The following TARS1 variants were observed in gnomAD, a reference collection of about 807,000 sequenced individuals.
TARS1 encodes the protein threonine--tRNA ligase 1, cytoplasmic.
Under a neutral mutation model 97.7 loss-of-function variants are expected in TARS1, and 57 were observed. The ratio of observed to expected loss-of-function variants is 0.58; its 90% confidence interval spans 0.47 to 0.73. TARS1 has a LOEUF of 0.73. Among genes scored for constraint, TARS1 ranks in the 30% least tolerant of loss-of-function variants. TARS1 has a pLI of 0.00. For synonymous variants in TARS1, 312 were observed against 293.7 expected, an observed-to-expected ratio of 1.06 and a Z score of -0.64; for missense variants, 806 against 888.3, an observed-to-expected ratio of 0.91 and a Z score of 1.18.
At chr5:33,442,247 T>C (rs1336718523) in intron 1 of TARS1, among the ~76,000 whole-genome samples, 9 of 152,096 alleles carry the variant, frequency 5.9e-5, no homozygotes, top group Non-Finnish European at 1.3e-4. Context: ...CTATGTAAAT[T>C]TAATTCTAGA....
rs1396658551 is a variant in TARS1, at chr5:33,459,705, G to C, written c.1094G>C (p.Arg365Thr). 8.7e-6 allele frequency: 14 copies of C among 1,613,948 alleles called. No homozygotes were observed. Among genetic ancestry groups the C allele is most frequent in the Middle Eastern group, 1.6e-4 (1 of 6,084 alleles). Residue 365 changes from arginine (R) to threonine (T), a missense_variant, in exon 11 of 19, where the codon AGG (arginine) becomes ACG (threonine). This residue lies in a region of TARS1 where 446 missense variants were observed against 511.0 expected (regional missense o/e 0.87). Coordinates refer to ENST00000265112, the MANE Select transcript of TARS1 (RefSeq NM_152295.5). The part of the protein sequence containing the change: ...ALIEFIRSEY[R>T]KRGFQEVVTP... ...TTTATTTTCTATCAGAGCGAATATA[G>C]GAAAAGAGGATTCCAGGAGGTAGTC...
chr5:33,441,267 G>A, intron 1 of TARS1, 124 bp downstream of exon 1: 1 of 1,123,192 alleles, frequency 8.9e-7, no homozygotes, highest in Non-Finnish European at 1.3e-6. Context: ...TCGGAGAAGT[G>A]GGGGATGGTG....
At chr5:33,459,922 CT>C in intron 11 of TARS1, 61 bp downstream of exon 11, 1 of 1,542,726 alleles carries the variant, frequency 6.5e-7, no homozygotes, top group Non-Finnish European at 8.8e-7. Flanking sequence ...ATCCTGGGTT[CT>C]TCCCTCCTTT....
intron 1 of TARS1, 121 bp from the exon 2 acceptor site, chr5:33,445,203 A>G (rs1032208866): frequency 1.4e-6 from 1 of 735,490 alleles, no homozygotes; most frequent in Non-Finnish European, 2.1e-6. Context: ...TCAATATCAG[A>G]TTTCCATTTT....
At chr5:33,443,308 T>TCTCC (rs1741214879) in intron 1 of TARS1, among the ~76,000 whole-genome samples, 1 of 128,862 alleles carries the variant, frequency 7.8e-6, no homozygotes. Context: ...GGTGATTCCC[T>TCTCC]CTCTCTCTCT....
rs749081016 is a variant in TARS1, at chr5:33,445,388, A to G, written c.122A>G (p.Asp41Gly). Reference sequence around the variant, plus strand: ...AAGAAGAACAAAGAAGGATCTGGAGATGGAGGTCGAGCTGAGGTAAAAGTT... The same window carrying G: ...AAGAAGAACAAAGAAGGATCTGGAGGTGGAGGTCGAGCTGAGGTAAAAGTT... ...GKKKNKEGSGDGGRAELNPWP... is the reference protein window; with the variant it reads ...GKKKNKEGSGGGGRAELNPWP... Residue 41 changes from aspartate to glycine, a missense_variant, in exon 2 of 19, where the codon GAT becomes GGT. By Grantham distance (94) the Asp-to-Gly change is moderately conservative. Transcript: ENST00000265112. 20 of 1,613,164 alleles carry G rather than the reference A, an allele frequency of 1.2e-5. No individual in the cohort carries two copies. The highest frequency in any genetic ancestry group is 1.6e-4 in the Middle Eastern group (1 of 6,082).
At chr5:33,443,140 A>G (rs1274714786) in intron 1 of TARS1, among the ~76,000 whole-genome samples, 2 of 152,166 alleles carry the variant, frequency 1.3e-5, no homozygotes, top group East Asian at 1.9e-4. Flanking sequence ...CTCTCTTCCC[A>G]GTGTTGTAGA....
intron 8 of TARS1, 144 bp from the exon 9 acceptor site, chr5:33,457,113 G>A: frequency 2.3e-6 from 2 of 858,284 alleles, no homozygotes; most frequent in Non-Finnish European, 3.5e-6. Context: ...ATTGAGGGAG[G>A]GGCATTTTTG....
intron 1 of TARS1, among the ~76,000 whole-genome samples, chr5:33,443,303 T>TTCCCTCTCTC (rs1186384645): frequency 1.1e-4 from 11 of 100,662 alleles, no homozygotes; most frequent in African/African-American, 4.5e-4. Context: ...TTTGTGGTGA[T>TTCCCTCTCTC]TCCCTCTCTC....
At position 33,455,985 on chromosome 5, in the gene TARS1, A is replaced by G. The variant is rs752580537; in HGVS notation, c.694-17A>G. On this transcript the variant is annotated splice_polypyrimidine_tract_variant and intron_variant, in intron 6 of 18. Coordinates refer to ENST00000265112, the MANE Select transcript of TARS1 (RefSeq NM_152295.5). The stretch of plus-strand genomic sequence containing the variant: ...TAAAGGACAGTTTTTTAAAATAATA[A>G]TTTTTCCTGTTTTCAGTACAACAAG... 8.1e-6 allele frequency: 13 copies of G among 1,610,932 alleles called. No homozygotes were observed. The highest frequency in any genetic ancestry group is 4.4e-5 in the South Asian group (4 of 90,808).
intron 17 of TARS1, chr5:33,466,650 T>C (rs111751492): frequency 0.02 from 6,858 of 342,124 alleles, 120 homozygotes; most frequent in South Asian, 0.083. Flanking sequence ...ACTGAAAACA[T>C]TGTTTACTTA....
chr5:33,460,877 C>A, intron 11 of TARS1, 25 bp from the exon 12 acceptor site: 1 of 1,612,884 alleles, frequency 6.2e-7, no homozygotes, highest in South Asian at 1.1e-5. Flanking sequence ...CTTAAGTGTC[C>A]GTGGACTTTT....
intron 11 of TARS1, 135 bp from the exon 12 acceptor site, chr5:33,460,767 C>T: frequency 1.9e-6 from 2 of 1,031,122 alleles, no homozygotes; most frequent in Non-Finnish European, 1.4e-6. Flanking sequence ...TGTATGTAGC[C>T]CAGAATTTGA....
At position 33,449,994 on chromosome 5, in the gene TARS1, C is replaced by T. The variant is rs533951866; in HGVS notation, c.329+1263C>T. Among the ~76,000 whole-genome samples, 135 of 152,130 alleles carry T rather than the reference C, an allele frequency of 8.9e-4. 1 individual carries two copies. Among genetic ancestry groups the T allele is most frequent in the African/African-American group, 3.0e-3 (125 of 41,518 alleles). ...ATGTATGGCAAGGTTTGGGGGATAG[C>T]GAGTGCTAATTAGAGTTCTTACATT... On this transcript the variant is annotated intron_variant, in intron 3 of 18. Coordinates refer to ENST00000265112, the MANE Select transcript of TARS1 (RefSeq NM_152295.5).
chr5:33,443,320 C>CCTCCCTCTCTCTCTCTCTCT (rs1741221675), intron 1 of TARS1, among the ~76,000 whole-genome samples: 20 of 118,508 alleles, frequency 1.7e-4, no homozygotes, highest in Admixed American at 3.7e-4. Flanking sequence ...TCTCTCTCTC[C>CCTCCCTCTCTCTCTCTCTCT]CTCTCTCTCT....
intron 9 of TARS1, among the ~76,000 whole-genome samples, chr5:33,457,694 G>C (rs1742097345): frequency 6.6e-6 from 1 of 152,168 alleles, no homozygotes; most frequent in Admixed American, 6.5e-5. Context: ...TCATAGAGCT[G>C]GGAGAACTAT....
At chr5:33,445,063 A>G (rs1741346105) in intron 1 of TARS1, among the ~76,000 whole-genome samples, 1 of 152,176 alleles carries the variant, frequency 6.6e-6, no homozygotes. Context: ...GAGTCACAAG[A>G]ATAGTTAAAA....
intron 6 of TARS1, 97 bp downstream of exon 6, chr5:33,455,801 C>A: frequency 2.0e-6 from 2 of 1,021,662 alleles, no homozygotes; most frequent in Non-Finnish European, 2.9e-6. Flanking sequence ...AAGCTGAAGT[C>A]TAATTGGTTC....
intron 3 of TARS1, among the ~76,000 whole-genome samples, chr5:33,451,666 C>T (rs113272480): frequency 0.15 from 22,437 of 152,192 alleles, 1,721 homozygotes; most frequent in South Asian, 0.26. Flanking sequence ...AGCCACTGCG[C>T]CTGGCCGTTT....
Sources: allele counts gnomAD v4.1 joint callset (sites outside exome capture counted in the v4.1 genomes callset), GRCh38; gene constraint gnomAD v4.1.1; regional missense constraint gnomAD v4.1.1; transcripts MANE v1.5; gene names NCBI Gene and HGNC (gene_info 2026-07-23, HGNC 2026-07-21).